Variants in PTPRN2 observed in about 807,000 individuals in gnomAD.
PTPRN2 encodes receptor-type tyrosine-protein phosphatase N2.
A neutral mutation model predicts 118.8 loss-of-function variants in PTPRN2; 74 were observed. The observed-to-expected ratio is 0.62, with a 90% CI of 0.52 to 0.76. The LOEUF is 0.76. Among genes scored for constraint, PTPRN2 ranks in the 30% least tolerant of loss-of-function variants. The pLI, the probability that PTPRN2 is intolerant of heterozygous loss-of-function variation, is 0.00. For synonymous variants in PTPRN2, 641 were observed against 608.0 expected (o/e 1.05, Z -0.80); for missense variants, 1,481 against 1,394.4 (o/e 1.06, Z -0.99).
intron 11 of PTPRN2, among the ~76,000 whole-genome samples, chr7:157,954,438 C>T (rs889826862): frequency 1.4e-4 from 18 of 127,446 alleles, no homozygotes; most frequent in Admixed American, 1.4e-3. Context: ...GTGTGGTGCA[C>T]GTGTGCTGTG....
chr7:157,713,057 G>T (rs73744839), intron 12 of PTPRN2, among the ~76,000 whole-genome samples: 44,224 of 152,144 alleles, frequency 0.29, 6,681 homozygotes, highest in Non-Finnish European at 0.33. Context: ...CTGTGGGCGG[G>T]ATTGTTCTGG....
At chr7:157,682,076 C>T (rs545806271) in intron 13 of PTPRN2, among the ~76,000 whole-genome samples, 12 of 152,308 alleles carry the variant, frequency 7.9e-5, no homozygotes, top group African/African-American at 2.6e-4. Flanking sequence ...ATACTAAATA[C>T]GAAATGTGCG....
rs4716778 is a variant in PTPRN2, at chr7:157,747,069, T to C, written c.1789-64132A>G. On this transcript the variant is annotated intron_variant, in intron 12 of 22. Coordinates refer to ENST00000389418, the MANE Select transcript of PTPRN2 (RefSeq NM_002847.5). ...GTCCCTGAGCTGTGGGGTGTCCGGG[T>C]GATTCTGAGGCCTGCATCTCTGAGC... is the stretch of plus-strand genomic sequence containing the variant. Among the ~76,000 whole-genome samples the C allele has an allele frequency of 2.3e-3, 281 of 120,442 alleles. 5 individuals are homozygous for C. Among genetic ancestry groups the C allele is most frequent in the East Asian group, 8.2e-3 (30 of 3,652 alleles). The allele number at this position is 120,442 out of a possible 152,430, so 79.0% of individuals were successfully genotyped here. A position where few individuals can be genotyped will look rare whatever the true frequency, so the allele number is the denominator to read the frequency against.
In PTPRN2 at chr7:158,003,462, T is replaced by A. The variant is rs1304215448; in HGVS notation, c.1723+77836A>T. On this transcript the variant is annotated intron_variant, in intron 11 of 22. Transcript: ENST00000389418. The surrounding 1 kb of genome is among the most constrained non-coding windows in gnomAD (Gnocchi z 5.0). ...AGGTCCTGAGGGGGCCCCAATCCAATAGGACCTGTGTTCTTCAGGAAGAGG... is the reference window on the plus strand; with the variant it reads ...AGGTCCTGAGGGGGCCCCAATCCAAAAGGACCTGTGTTCTTCAGGAAGAGG... Among the ~76,000 whole-genome samples, 2 of 147,218 alleles carry A rather than the reference T, an allele frequency of 1.4e-5. No homozygotes were observed. The highest frequency in any genetic ancestry group is 2.0e-4 in the East Asian group (1 of 4,954).
intron 3 of PTPRN2, among the ~76,000 whole-genome samples, chr7:158,211,066 C>T (rs1827557621): frequency 6.6e-6 from 1 of 152,126 alleles, no homozygotes; most frequent in South Asian, 2.1e-4. Context: ...CGTCAACTGT[C>T]CTGGGGATAG....
chr7:157,608,259 G>A (rs1802121757), intron 15 of PTPRN2, among the ~76,000 whole-genome samples: 1 of 152,116 alleles, frequency 6.6e-6, no homozygotes, highest in Admixed American at 6.6e-5. Flanking sequence ...GTAGAGACAG[G>A]GCTTCACCAT....
At chr7:158,489,896 G>A (rs1821318312) in intron 1 of PTPRN2, 111 bp from the exon 2 acceptor site, 2 of 1,028,844 alleles carry the variant, frequency 1.9e-6, no homozygotes, top group Admixed American at 4.4e-5. Context: ...CGGTCAAGCA[G>A]GCTCCTCCGA....
chr7:158,225,778 G>C (rs1251472627), intron 3 of PTPRN2, among the ~76,000 whole-genome samples: 1 of 150,096 alleles, frequency 6.7e-6, no homozygotes, highest in Non-Finnish European at 1.5e-5. Flanking sequence ...AATTCTAACA[G>C]GTGGGGATGG....
At chr7:157,701,463 T>A (rs1798062128) in intron 12 of PTPRN2, among the ~76,000 whole-genome samples, 1 of 152,210 alleles carries the variant, frequency 6.6e-6, no homozygotes, top group Non-Finnish European at 1.5e-5. Context: ...CTATTTTCCA[T>A]AGAATGTGGT....
chr7:157,975,681 C>T (rs1047558670), intron 11 of PTPRN2, among the ~76,000 whole-genome samples: 2 of 152,344 alleles, frequency 1.3e-5, no homozygotes, highest in African/African-American at 4.8e-5. Context: ...CCACCAGCCC[C>T]TGCCTGCCCT....
At chr7:157,553,419 T>C (rs1798729071) in intron 21 of PTPRN2, among the ~76,000 whole-genome samples, 1 of 152,196 alleles carries the variant, frequency 6.6e-6, no homozygotes, top group Admixed American at 6.5e-5. Flanking sequence ...GGGCTCTCCC[T>C]CCGCGTGCAC....
chr7:157,659,473 G>A (rs1224098794), intron 13 of PTPRN2, among the ~76,000 whole-genome samples: 2 of 136,246 alleles, frequency 1.5e-5, no homozygotes, highest in Admixed American at 7.3e-5. Context: ...AGGGATGGGG[G>A]GGGCGGGGGG....
At chr7:157,568,633 A>G (rs565566605) in intron 21 of PTPRN2, among the ~76,000 whole-genome samples, 43 of 152,214 alleles carry the variant, frequency 2.8e-4, no homozygotes, top group African/African-American at 9.1e-4. Flanking sequence ...TCGGCACACC[A>G]AGGCAGGTAA....
At chr7:158,246,223 C>A (rs1585966100) in intron 3 of PTPRN2, among the ~76,000 whole-genome samples, 1 of 151,948 alleles carries the variant, frequency 6.6e-6, no homozygotes, top group South Asian at 2.1e-4. Flanking sequence ...AAATACCCCA[C>A]ATGAATAAAA....
In PTPRN2 at chr7:158,365,457, C is replaced by T. The variant is rs372111212; in HGVS notation, c.164-48525G>A. 8.9e-4 allele frequency among the ~76,000 whole-genome samples: 136 copies of T among 152,256 alleles called. 1 individual carries two copies. Among genetic ancestry groups the T allele is most frequent in the African/African-American group, 3.2e-3 (133 of 41,532 alleles). ...TCCTACAAAAGAAATCACATGACAT[C>T]GATTCCCTGATATTCAGATCAATCA... is the stretch of plus-strand genomic sequence containing the variant. On this transcript the variant is annotated intron_variant, in intron 2 of 22. Coordinates refer to ENST00000389418, the MANE Select transcript of PTPRN2 (RefSeq NM_002847.5).
At chr7:158,155,220 T>C (rs1247429051) in intron 6 of PTPRN2, among the ~76,000 whole-genome samples, 1 of 152,216 alleles carries the variant, frequency 6.6e-6, no homozygotes, top group Non-Finnish European at 1.5e-5. Context: ...GCCAGGCCTA[T>C]TGAAATTATA....
In PTPRN2 at chr7:158,555,448, C is replaced by T. The variant is rs1226778381; in HGVS notation, c.112+32110G>A. On this transcript the variant is annotated intron_variant, in intron 1 of 22. Transcript: ENST00000389418. This position sits in a 1 kb window ranked among gnomAD's most constrained non-coding sequence, Gnocchi z 4.7. The stretch of plus-strand genomic sequence containing the variant: ...TGCCTTCCTCGCTGAAACCTCCCAA[C>T]ACTGACGTCACCGGGGTGGGGCAGG... 6.6e-6 allele frequency among the ~76,000 whole-genome samples: 1 copy of T among 152,218 alleles called. No homozygotes were observed. Among genetic ancestry groups the T allele is most frequent in the Non-Finnish European group, 1.5e-5 (1 of 68,036 alleles).
At chr7:157,837,149 G>A (rs13246038) in intron 12 of PTPRN2, among the ~76,000 whole-genome samples, 4,690 of 23,886 alleles carry the variant, frequency 0.2, 6 homozygotes, top group Middle Eastern at 0.21. Context: ...CCACACATCC[G>A]CCCTTCCGTG....
intron 10 of PTPRN2, among the ~76,000 whole-genome samples, chr7:158,107,814 C>T (rs1164182988): frequency 6.6e-6 from 1 of 152,130 alleles, no homozygotes; most frequent in Non-Finnish European, 1.5e-5. Context: ...AACATGCCCC[C>T]TCTTTCATGT....
Sources: allele counts gnomAD v4.1 joint callset (sites outside exome capture counted in the v4.1 genomes callset), GRCh38; gene constraint gnomAD v4.1.1; non-coding constraint Gnocchi (gnomAD v3.1); transcripts MANE v1.5; gene names NCBI Gene and HGNC (gene_info 2026-07-23, HGNC 2026-07-21).